NT5DC1: variants seen among roughly 807,000 people sequenced by gnomAD.
NT5DC1 encodes the protein 5'-nucleotidase domain-containing protein 1.
NT5DC1 carries 42 observed loss-of-function variants against 59.4 expected under a neutral mutation model. That is an observed-to-expected ratio of 0.71 (90% CI 0.55 to 0.92). The LOEUF (loss-of-function observed/expected upper bound fraction) is 0.92. Among genes scored for constraint, NT5DC1 ranks in the 40% least tolerant of loss-of-function variants. The probability of loss-of-function intolerance (pLI) is 0.00; values close to 1 mark genes in which losing one functional copy is unlikely to be tolerated. For synonymous variants in NT5DC1, 172 were observed against 188.1 expected, an observed-to-expected ratio of 0.91 and a Z score of 0.70; for missense variants, 501 against 537.1, an observed-to-expected ratio of 0.93 and a Z score of 0.66.
At chr6:116,235,609 G>A (rs1410661107) in intron 8 of NT5DC1, among the ~76,000 whole-genome samples, 4 of 152,180 alleles carry the variant, frequency 2.6e-5, no homozygotes, top group African/African-American at 7.2e-5. Flanking sequence ...ACTCATTTTT[G>A]TAGTAGAATG....
chr6:116,118,203 A>T (rs1308732114), intron 6 of NT5DC1: 4 of 445,118 alleles, frequency 9.0e-6, no homozygotes, highest in Non-Finnish European at 1.6e-5. Flanking sequence ...TCATTCTGTG[A>T]GTTCCCTAGA....
At chr6:116,177,164 TG>T (rs1419930790) in intron 6 of NT5DC1, among the ~76,000 whole-genome samples, 1 of 152,234 alleles carries the variant, frequency 6.6e-6, no homozygotes, top group Non-Finnish European at 1.5e-5. Flanking sequence ...TTAAGTCTTT[TG>T]TTACTTGAGC....
At position 116,120,066 on chromosome 6, in the gene NT5DC1, T is replaced by TGGG. The variant is rs140722; in HGVS notation, c.529+2122_529+2123insGGG. On this transcript the variant is annotated intron_variant, in intron 6 of 11. Transcript: ENST00000319550. ...TAGCACAAGATTTAGATTAGCTCTGTGTGTACTCACATTGGAGCCACTAGG... is the reference window on the plus strand; with the variant it reads ...TAGCACAAGATTTAGATTAGCTCTGTGGGGTGTACTCACATTGGAGCCACTAGG... The TGGG allele has an allele frequency of 0.88, 1,418,423 of 1,608,076 alleles. 627,330 individuals are homozygous for TGGG. The highest frequency in any genetic ancestry group is 1 in the East Asian group (44,813 of 44,826).
chr6:116,120,115 A>G, intron 6 of NT5DC1: 1 of 1,614,148 alleles, frequency 6.2e-7, no homozygotes, highest in Non-Finnish European at 8.5e-7. Flanking sequence ...AGGAGTGGAC[A>G]TACTCAGAGG....
Position 116,219,898 on chromosome 6 carries a change from G to A in NT5DC1, c.530-1156G>A, listed in dbSNP as rs376855343. ...AATCACTTGAACCCGGGAGGCGGAG[G>A]TTGCAGTTAGCCAGAGATCATGCCA... On this transcript the variant is annotated intron_variant, in intron 6 of 11. Coordinates refer to ENST00000319550, the MANE Select transcript of NT5DC1 (RefSeq NM_152729.3). Among the ~76,000 whole-genome samples, 6 of 143,548 alleles carry A rather than the reference G, an allele frequency of 4.2e-5. No homozygotes were observed. The South Asian group carries it at 1.4e-3, about 33-fold the overall frequency. The allele number at this position is 143,548 out of a possible 152,430, so 94.2% of individuals were successfully genotyped here. A position where few individuals can be genotyped will look rare whatever the true frequency, so the allele number is the denominator to read the frequency against.
At chr6:116,163,141 A>ATATATATATATATATATATATATATAT (rs1554197064) in intron 6 of NT5DC1, among the ~76,000 whole-genome samples, 1 of 88,408 alleles carries the variant, frequency 1.1e-5, no homozygotes, top group African/African-American at 5.8e-5. Flanking sequence ...AAAAAAAAAA[A>ATATATATATATATATATATATATATAT]ATATATATAT....
chr6:116,239,216 A>G, intron 11 of NT5DC1, 93 bp downstream of exon 11: 4 of 955,982 alleles, frequency 4.2e-6, no homozygotes, highest in Non-Finnish European at 6.3e-6. Flanking sequence ...AAATGTTGCC[A>G]CAACATTGAT....
intron 6 of NT5DC1, among the ~76,000 whole-genome samples, chr6:116,161,639 T>G (rs1780332444): frequency 6.6e-6 from 1 of 152,206 alleles, no homozygotes; most frequent in Non-Finnish European, 1.5e-5. Flanking sequence ...AGACTTGTAG[T>G]GTAGTTTGAA....
At chr6:116,181,076 C>T (rs916922860) in intron 6 of NT5DC1, among the ~76,000 whole-genome samples, 1 of 151,770 alleles carries the variant, frequency 6.6e-6, no homozygotes, top group Non-Finnish European at 1.5e-5. Flanking sequence ...TACTTTAAGA[C>T]AACCTAACAG....
At chr6:116,228,508 CAAAAA>C (rs11318643) in intron 8 of NT5DC1, among the ~76,000 whole-genome samples, 61 of 149,292 alleles carry the variant, frequency 4.1e-4, no homozygotes, top group Admixed American at 1.3e-4. Context: ...AACTCCGACT[CAAAAA>C]AAAAAAGAAG....
intron 6 of NT5DC1, among the ~76,000 whole-genome samples, chr6:116,128,044 G>C (rs1779367173): frequency 6.6e-6 from 1 of 152,118 alleles, no homozygotes; most frequent in African/African-American, 2.4e-5. Flanking sequence ...TCCATGGTCA[G>C]ATGGTAGACT....
intron 6 of NT5DC1, chr6:116,125,816 C>T (rs1779285256): frequency 4.4e-6 from 1 of 227,954 alleles, no homozygotes; most frequent in Admixed American, 5.3e-5. Context: ...CCTGAAATAT[C>T]TAATAGTTTC....
chr6:116,207,141 A>T (rs1491000516), intron 6 of NT5DC1, among the ~76,000 whole-genome samples: 1 of 151,964 alleles, frequency 6.6e-6, no homozygotes, highest in East Asian at 1.9e-4. Context: ...CTGGGAGCTG[A>T]TATCTCTGCA....
intron 6 of NT5DC1, among the ~76,000 whole-genome samples, chr6:116,201,868 C>G (rs112686676): frequency 9.2e-5 from 14 of 152,054 alleles, no homozygotes; most frequent in African/African-American, 3.4e-4. Context: ...ATTTCTGGAC[C>G]AAATCATGTT....
chr6:116,148,691 G>A (rs1018755331), intron 6 of NT5DC1, among the ~76,000 whole-genome samples: 3 of 152,190 alleles, frequency 2.0e-5, no homozygotes, highest in African/African-American at 7.2e-5. Context: ...AATTAAAATG[G>A]TTTTTTGAGA....
At chr6:116,214,063 GA>G (rs1781640147) in intron 6 of NT5DC1, among the ~76,000 whole-genome samples, 1 of 152,196 alleles carries the variant, frequency 6.6e-6, no homozygotes, top group African/African-American at 2.4e-5. Context: ...TATAGGTGAA[GA>G]AATTAAGAAT....
intron 6 of NT5DC1, among the ~76,000 whole-genome samples, chr6:116,153,116 T>A (rs1404123588): frequency 1.3e-5 from 2 of 151,952 alleles, no homozygotes; most frequent in African/African-American, 4.8e-5. Flanking sequence ...TAAAAATATA[T>A]ACACAAATAT....
chr6:116,237,331 A>T (rs961559587), intron 9 of NT5DC1: 15 of 607,866 alleles, frequency 2.5e-5, no homozygotes, highest in Admixed American at 6.5e-5. Flanking sequence ...AAAAGTTTCC[A>T]TATATAAAAC....
At chr6:116,104,626 G>GT (rs949397375) in intron 1 of NT5DC1, among the ~76,000 whole-genome samples, 6 of 151,924 alleles carry the variant, frequency 3.9e-5, no homozygotes, top group Non-Finnish European at 5.9e-5. Flanking sequence ...TTTGTTTTCT[G>GT]TTTTTTTGTT....
Sources: gnomAD v4.1 joint callset for allele counts (sites outside exome capture counted in the v4.1 genomes callset) on GRCh38, gnomAD v4.1.1 for gene constraint, MANE v1.5 for transcripts, NCBI Gene and HGNC (gene_info 2026-07-23, HGNC 2026-07-21) for gene names.